MAP4: variants seen among roughly 807,000 people sequenced by gnomAD.
MAP4 encodes the protein microtubule-associated protein 4.
In MAP4, 76 loss-of-function variants were observed where a neutral mutation model predicts 170.2. The ratio of observed to expected loss-of-function variants is 0.45; its 90% CI spans 0.37 to 0.54. The LOEUF (loss-of-function observed/expected upper bound fraction) is 0.54. Ranked by LOEUF, MAP4 falls within the 20% of genes least tolerant of loss-of-function variation. MAP4 has a pLI of 0.00. For synonymous variants in MAP4, 909 were observed against 994.5 expected, an observed-to-expected ratio of 0.91 and a Z score of 1.62; for missense variants, 2,506 against 2,748.0, an observed-to-expected ratio of 0.91 and a Z score of 1.97.
At chr3:47,884,989 C>A (rs975623859) in intron 10 of MAP4, among the ~76,000 whole-genome samples, 3 of 152,040 alleles carry the variant, frequency 2.0e-5, no homozygotes, top group Non-Finnish European at 2.9e-5. Flanking sequence ...ACAGGAAGGC[C>A]CTTATGGGCT....
intron 10 of MAP4, among the ~76,000 whole-genome samples, chr3:47,902,591 T>C (rs2100030656): frequency 6.8e-6 from 1 of 146,882 alleles, no homozygotes; most frequent in African/African-American, 2.5e-5. Flanking sequence ...GGAGAACTGC[T>C]TGAACCCAGG....
At position 47,978,368 on chromosome 3, in the gene MAP4, A is replaced by C. The variant is rs1441956410; in HGVS notation, c.224-435T>G. Among the ~76,000 whole-genome samples the C allele has an allele frequency of 2.6e-5, 4 of 152,114 alleles. No individual in the cohort carries two copies. The East Asian group carries it at 7.7e-4, about 29-fold the overall frequency. ...GTTTTGCTCTTGTCACCCAGACTGGAGTGCCATGGTGCAACCTCGGCTCAC... is the reference window on the plus strand; with the variant it reads ...GTTTTGCTCTTGTCACCCAGACTGGCGTGCCATGGTGCAACCTCGGCTCAC... On this transcript the variant is annotated intron_variant, in intron 2 of 20. Transcript: ENST00000683076.
intron 1 of MAP4, among the ~76,000 whole-genome samples, chr3:48,027,582 G>C (rs1376749785): frequency 6.6e-6 from 1 of 152,106 alleles, no homozygotes; most frequent in African/African-American, 2.4e-5. Flanking sequence ...CGTTGGCTCA[G>C]TCCTGTAATC....
At chr3:47,865,991 G>A (rs2078890516) in intron 17 of MAP4, among the ~76,000 whole-genome samples, 2 of 152,168 alleles carry the variant, frequency 1.3e-5, no homozygotes, top group Non-Finnish European at 2.9e-5. Flanking sequence ...GCACACAATG[G>A]CAGCAAGACA....
chr3:47,882,875 C>T (rs1318910544), intron 10 of MAP4, among the ~76,000 whole-genome samples: 1 of 152,032 alleles, frequency 6.6e-6, no homozygotes, highest in South Asian at 2.1e-4. Context: ...GGCACAATCT[C>T]GGCTCACTGC....
In MAP4 at chr3:47,973,709, G is replaced by A. The variant is rs1013509458; in HGVS notation, c.292+4156C>T. On this transcript the variant is annotated intron_variant, in intron 3 of 20. Transcript: ENST00000683076. ...CCACCCATAACTTAGACAGCTACAG[G>A]GACTGGTTACGAGCAATAGAAAGAT... 3.0e-6 allele frequency: 3 copies of A among 985,280 alleles called. No homozygotes were observed. The African/African-American group carries it at 5.2e-5, about 17-fold the overall frequency. The allele number at this position is 985,280 out of a possible 1,614,324, so 61.0% of individuals were successfully genotyped here.
chr3:48,041,379 TGA>T, intron 1 of MAP4, among the ~76,000 whole-genome samples: 1 of 151,978 alleles, frequency 6.6e-6, no homozygotes, highest in East Asian at 1.9e-4. Context: ...CCCAAAGTGC[TGA>T]GATAACAGGC....
chr3:47,853,249 G>T lies in MAP4; in HGVS notation c.6800C>A (p.Ala2267Asp), dbSNP rs1261728765. The T allele has an allele frequency of 1.9e-6, 3 of 1,591,416 alleles. No individual in the cohort carries two copies. Among genetic ancestry groups the T allele is most frequent in the Non-Finnish European group, 2.6e-6 (3 of 1,167,426 alleles). The part of the protein sequence containing the change: ...AAPEAGAPTS[A>D]SGLNGHPTLS... ...GGTGGGGTGGCCATTGAGGCCACTG[G>T]CTGAAGTGGGGGCGCCAGCTTCAGG... is the stretch of plus-strand genomic sequence containing the variant. Residue 2267 changes from alanine to aspartate, a missense_variant, in exon 20 of 21, where the codon GCC becomes GAC. This residue lies in a region of MAP4 where 487 missense variants were observed against 511.6 expected (regional missense o/e 0.95). Coordinates refer to ENST00000683076, the MANE Select transcript of MAP4 (RefSeq NM_001385682.1).
At chr3:47,868,337 T>C (rs1362365225) in intron 16 of MAP4, among the ~76,000 whole-genome samples, 1 of 152,178 alleles carries the variant, frequency 6.6e-6, no homozygotes, top group Non-Finnish European at 1.5e-5. Context: ...ATATACCTCA[T>C]TGTACCTACT....
At chr3:48,055,174 A>C (rs938849195) in intron 1 of MAP4, among the ~76,000 whole-genome samples, 1 of 144,050 alleles carries the variant, frequency 6.9e-6, no homozygotes, top group African/African-American at 2.7e-5. Context: ...TTTCTTTAAA[A>C]AGTCTCCCTC....
At chr3:47,954,354 A>C (rs1211062568) in intron 3 of MAP4, among the ~76,000 whole-genome samples, 3 of 152,184 alleles carry the variant, frequency 2.0e-5, no homozygotes, top group Non-Finnish European at 4.4e-5. Flanking sequence ...TAAATACAGT[A>C]AAGTTGTACT....
chr3:47,879,376 C>T (rs1446523604), intron 10 of MAP4, among the ~76,000 whole-genome samples: 5 of 152,002 alleles, frequency 3.3e-5, no homozygotes, highest in Admixed American at 1.3e-4. Flanking sequence ...AACAGAACAA[C>T]GTTTTTGAGG....
chr3:47,852,379 A>G lies in MAP4; in HGVS notation c.*555T>C, dbSNP rs111959922. On this transcript the variant is annotated 3_prime_UTR_variant, in exon 21 of 21. Transcript: ENST00000683076. ...AGGGCCCGACACCACCTGCATGGGG[A>G]GGGGGGGGCGCCCATTTGTGGGACC... is the stretch of plus-strand genomic sequence containing the variant. 2,269 of 179,530 alleles carry G rather than the reference A, an allele frequency of 0.013. 51 individuals carry two copies. Among genetic ancestry groups the G allele is most frequent in the African/African-American group, 0.044 (1,821 of 41,196 alleles). 11.1% of individuals were successfully genotyped at this position (179,530 alleles called of 1,614,324 possible).
At chr3:47,902,607 G>T (rs904158369) in intron 10 of MAP4, among the ~76,000 whole-genome samples, 1 of 146,750 alleles carries the variant, frequency 6.8e-6, no homozygotes, top group South Asian at 2.2e-4. Context: ...CCAGGAGCCA[G>T]AGGTTGCAGT....
chr3:48,072,358 G>A (rs935928814), intron 1 of MAP4, among the ~76,000 whole-genome samples: 1 of 151,730 alleles, frequency 6.6e-6, no homozygotes, highest in African/African-American at 2.4e-5. Flanking sequence ...AAAATTACCT[G>A]GGTGTGGCAG....
chr3:48,007,581 T>C (rs1395112393), intron 1 of MAP4, among the ~76,000 whole-genome samples: 1 of 152,168 alleles, frequency 6.6e-6, no homozygotes, highest in Non-Finnish European at 1.5e-5. Context: ...GGGATGTTGT[T>C]TGGAGTCTTT....
chr3:47,881,340 T>C (rs2096669835), intron 10 of MAP4, among the ~76,000 whole-genome samples: 1 of 149,320 alleles, frequency 6.7e-6, no homozygotes, highest in Non-Finnish European at 1.5e-5. Flanking sequence ...AAGACTCAGA[T>C]ACTTGGGAGG....
chr3:47,878,613 C>T (rs2096010202), intron 10 of MAP4, among the ~76,000 whole-genome samples: 1 of 152,154 alleles, frequency 6.6e-6, no homozygotes, highest in Non-Finnish European at 1.5e-5. Flanking sequence ...GATCTCGGCT[C>T]ACTGCAACCT....
intron 3 of MAP4, among the ~76,000 whole-genome samples, chr3:47,964,748 A>G (rs2100073829): frequency 6.6e-6 from 1 of 152,224 alleles, no homozygotes; most frequent in African/African-American, 2.4e-5. Flanking sequence ...ACAAACCAGA[A>G]CAAACGTACA....
Sources: gnomAD v4.1 joint callset for allele counts (sites outside exome capture counted in the v4.1 genomes callset) on GRCh38, gnomAD v4.1.1 for gene constraint, gnomAD v4.1.1 regional missense constraint, MANE v1.5 for transcripts, NCBI Gene and HGNC (gene_info 2026-07-23, HGNC 2026-07-21) for gene names.